Variants in TBC1D22A observed in about 807,000 individuals in gnomAD.
TBC1D22A encodes putative GTPase activator.
Under a neutral mutation model 60.2 loss-of-function variants are expected in TBC1D22A, and 38 were observed. The observed-to-expected ratio is 0.63, with a 90% confidence interval of 0.49 to 0.83. TBC1D22A has a LOEUF of 0.83. TBC1D22A is among the 40% of genes least tolerant of loss of function. The pLI is 0.00. For missense variants in TBC1D22A, 628 were observed against 701.0 expected, an observed-to-expected ratio of 0.90 and a Z score of 1.18; for synonymous variants, 302 against 281.7, an observed-to-expected ratio of 1.07 and a Z score of -0.72.
intron 12 of TBC1D22A, among the ~76,000 whole-genome samples, chr22:47,125,907 T>C (rs2066436794): frequency 6.6e-6 from 1 of 152,194 alleles, no homozygotes; most frequent in Non-Finnish European, 1.5e-5. Context: ...GGTGTCCAGA[T>C]AGTCAGTTGC....
rs570751261 is a variant in TBC1D22A, at chr22:47,039,935, C to CTTTTTTTTTTTTTT, written c.1329+2751_1329+2764dup. 1.2e-4 allele frequency among the ~76,000 whole-genome samples: 9 copies of CTTTTTTTTTTTTTT among 77,296 alleles called. 1 individual carries two copies. Among genetic ancestry groups the CTTTTTTTTTTTTTT allele is most frequent in the African/African-American group, 5.6e-4 (9 of 15,934 alleles). 50.7% of individuals were successfully genotyped at this position (77,296 alleles called of 152,430 possible). A position where few individuals can be genotyped will look rare whatever the true frequency, so the allele number is the denominator to read the frequency against. On this transcript the variant is annotated intron_variant, in intron 11 of 12. Coordinates refer to ENST00000337137, the MANE Select transcript of TBC1D22A (RefSeq NM_014346.5). The stretch of plus-strand genomic sequence containing the variant: ...CAAGGCGTCGGGGAGGTGCCACAGC[C>CTTTTTTTTTTTTTT]TTTTTTTTTTTTTTTTTTTTTTTTT...
At chr22:46,820,162 G>A (rs1250742167) in intron 4 of TBC1D22A, among the ~76,000 whole-genome samples, 7 of 151,394 alleles carry the variant, frequency 4.6e-5, no homozygotes, top group African/African-American at 1.5e-4. Flanking sequence ...CCATCTATTT[G>A]TTCATTTTTT....
intron 12 of TBC1D22A, among the ~76,000 whole-genome samples, chr22:47,137,206 G>C (rs142970306): frequency 6.6e-6 from 1 of 152,290 alleles, no homozygotes; most frequent in Non-Finnish European, 1.5e-5. Context: ...GGATTTCTCA[G>C]TTCAACTTTG....
rs186497876 is a variant in TBC1D22A at position 46,934,034 on chromosome 22, C to G, written c.1015+21846C>G. 1.3e-5 allele frequency among the ~76,000 whole-genome samples: 2 copies of G among 152,238 alleles called. 1 individual carries two copies. Among genetic ancestry groups the G allele is most frequent in the East Asian group, 3.9e-4 (2 of 5,190 alleles). On this transcript the variant is annotated intron_variant, in intron 8 of 12. Transcript: ENST00000337137. Reference sequence around the variant, plus strand: ...TGTGCCTTTTAATATTTTCTTTTTTCTATTTGCTTTTCTTGCCATCTTTAT... The same window carrying G: ...TGTGCCTTTTAATATTTTCTTTTTTGTATTTGCTTTTCTTGCCATCTTTAT...
chr22:47,057,454 G>A (rs139770836), intron 11 of TBC1D22A, among the ~76,000 whole-genome samples: 944 of 152,324 alleles, frequency 6.2e-3, no homozygotes, highest in Middle Eastern at 0.02. Flanking sequence ...TCCGGGAGCC[G>A]TGGGCACATC....
At chr22:46,960,954 C>CAAAA (rs397868006) in intron 8 of TBC1D22A, among the ~76,000 whole-genome samples, 6 of 47,750 alleles carry the variant, frequency 1.3e-4, no homozygotes, top group East Asian at 7.7e-4. Context: ...GACACCATCT[C>CAAAA]AAAAAAAAAA....
chr22:46,963,556 C>A (rs769433684), intron 8 of TBC1D22A, among the ~76,000 whole-genome samples: 1 of 152,224 alleles, frequency 6.6e-6, no homozygotes, highest in Non-Finnish European at 1.5e-5. Flanking sequence ...GAAACCTTGG[C>A]AAGTATAAAA....
intron 4 of TBC1D22A, among the ~76,000 whole-genome samples, chr22:46,822,851 G>A (rs2085888258): frequency 6.6e-6 from 1 of 152,080 alleles, no homozygotes; most frequent in Non-Finnish European, 1.5e-5. Context: ...CAAATGAAGG[G>A]GCCCTACTTT....
chr22:47,139,647 C>T (rs527777280), intron 12 of TBC1D22A, among the ~76,000 whole-genome samples: 3 of 152,332 alleles, frequency 2.0e-5, no homozygotes, highest in African/African-American at 4.8e-5. Flanking sequence ...GTCTAGGACA[C>T]TCACCTTCCA....
At position 46,972,782 on chromosome 22, in the gene TBC1D22A, T is replaced by C. The variant is rs5767427; in HGVS notation, c.1016-1508T>C. 2.0e-4 allele frequency among the ~76,000 whole-genome samples: 31 copies of C among 152,242 alleles called. No individual in the cohort carries two copies. In the East Asian group the frequency reaches 5.8e-3, roughly 28 times the overall value. ...AGTGGATTTTATGGCGGATGAATTA[T>C]CTCTCCGTTTACAAAACCCAGAACC... On this transcript the variant is annotated intron_variant, in intron 8 of 12. Coordinates refer to ENST00000337137, the MANE Select transcript of TBC1D22A (RefSeq NM_014346.5).
Position 47,022,903 on chromosome 22 carries a change from C to A in TBC1D22A, c.1202-14168C>A, listed in dbSNP as rs933185146. Among the ~76,000 whole-genome samples, 5 of 152,046 alleles carry A rather than the reference C, an allele frequency of 3.3e-5. No individual in the cohort carries two copies. The South Asian group carries it at 6.2e-4, about 19-fold the overall frequency. On this transcript the variant is annotated intron_variant, in intron 10 of 12. Coordinates refer to ENST00000337137, the MANE Select transcript of TBC1D22A (RefSeq NM_014346.5). Reference sequence around the variant, plus strand: ...CCCAAATGACTTAATTGCATCCCAGCAAAAATTCAAAGATATTTATAGGAA... The same window carrying A: ...CCCAAATGACTTAATTGCATCCCAGAAAAAATTCAAAGATATTTATAGGAA...
chr22:47,111,718 A>T, intron 12 of TBC1D22A, 115 bp downstream of exon 12: 4 of 915,378 alleles, frequency 4.4e-6, no homozygotes, highest in Admixed American at 2.5e-5. Context: ...CGCTGCCTGC[A>T]TTTCGCCGCT....
At chr22:46,784,975 CT>C (rs2084096871) in intron 1 of TBC1D22A, among the ~76,000 whole-genome samples, 1 of 152,214 alleles carries the variant, frequency 6.6e-6, no homozygotes, top group Non-Finnish European at 1.5e-5. Context: ...ATTTTTAAAC[CT>C]GAAAGCTTTC....
chr22:46,980,088 C>T (rs1411188614), intron 9 of TBC1D22A, among the ~76,000 whole-genome samples: 5 of 151,876 alleles, frequency 3.3e-5, no homozygotes, highest in Admixed American at 1.3e-4. Flanking sequence ...ACTAGAACAG[C>T]GATTTGAAAG....
At chr22:46,785,160 G>A (rs908514289) in intron 1 of TBC1D22A, among the ~76,000 whole-genome samples, 1 of 152,186 alleles carries the variant, frequency 6.6e-6, no homozygotes, top group African/African-American at 2.4e-5. Flanking sequence ...GGGATGTCTT[G>A]TCTCTTCTCC....
Position 46,990,608 on chromosome 22 carries a change from C to T in TBC1D22A, c.1126-7026C>T, listed in dbSNP as rs1244416139. ...ATGAGTCCACCAAGAAAGTGTCGCA[C>T]AGTGTCGTCCCCTGCCCTGAACACC... On this transcript the variant is annotated intron_variant, in intron 9 of 12. Transcript: ENST00000337137. This position sits in a 1 kb window ranked among gnomAD's most constrained non-coding sequence, Gnocchi z 4.6. 6.6e-6 allele frequency among the ~76,000 whole-genome samples: 1 copy of T among 152,166 alleles called. No individual in the cohort carries two copies.
At chr22:47,144,628 C>T (rs945568146) in intron 12 of TBC1D22A, among the ~76,000 whole-genome samples, 9 of 152,350 alleles carry the variant, frequency 5.9e-5, no homozygotes, top group South Asian at 4.1e-4. Context: ...CACCTGGAGG[C>T]GCGTCGGTGT....
chr22:46,775,206 T>C (rs2146746202), intron 1 of TBC1D22A, among the ~76,000 whole-genome samples: 1 of 152,264 alleles, frequency 6.6e-6, no homozygotes, highest in East Asian at 1.9e-4. Context: ...GGGTGGCAGC[T>C]CCTCCGCGAG....
At chr22:46,902,683 G>A (rs528837170) in intron 7 of TBC1D22A, among the ~76,000 whole-genome samples, 1 of 152,360 alleles carries the variant, frequency 6.6e-6, no homozygotes, top group African/African-American at 2.4e-5. Context: ...CCGTTCAAGT[G>A]GGCACGTTGT....
Sources: allele counts gnomAD v4.1 joint callset (sites outside exome capture counted in the v4.1 genomes callset), GRCh38; gene constraint gnomAD v4.1.1; non-coding constraint Gnocchi (gnomAD v3.1); transcripts MANE v1.5; gene names NCBI Gene and HGNC (gene_info 2026-07-23, HGNC 2026-07-21).